The following TMEM232 variants were observed in gnomAD, a reference collection of about 807,000 sequenced individuals.
The protein encoded by TMEM232 is transmembrane protein 232.
In TMEM232, 80 loss-of-function variants were observed where a neutral mutation model predicts 78.8. The observed-to-expected ratio is 1.01, with a 90% CI of 0.85 to 1.22. The LOEUF (loss-of-function observed/expected upper bound fraction) is 1.22. Among genes scored for constraint, TMEM232 ranks in the 50% most tolerant of loss-of-function variants. TMEM232 has a pLI of 0.00. For missense variants in TMEM232, 881 were observed against 742.2 expected, an observed-to-expected ratio of 1.19 and a Z score of -2.17; for synonymous variants, 297 against 254.3, an observed-to-expected ratio of 1.17 and a Z score of -1.60.
intron 10 of TMEM232, among the ~76,000 whole-genome samples, chr5:110,577,673 A>G (rs928758759): frequency 6.6e-6 from 1 of 152,146 alleles, no homozygotes; most frequent in South Asian, 2.1e-4. Flanking sequence ...CACACATGCC[A>G]TGGAATACTA....
intron 1 of TMEM232, among the ~76,000 whole-genome samples, chr5:110,700,041 T>C (rs564752667): frequency 2.0e-5 from 3 of 152,162 alleles, no homozygotes; most frequent in East Asian, 3.9e-4. Context: ...ATAATGGCTA[T>C]CAAAAGGTTG....
At chr5:110,469,555 G>A (rs1007718396) in intron 12 of TMEM232, among the ~76,000 whole-genome samples, 1 of 152,104 alleles carries the variant, frequency 6.6e-6, no homozygotes, top group Non-Finnish European at 1.5e-5. Context: ...TGGAACCTGA[G>A]CTAAAGCTGT....
intron 7 of TMEM232, among the ~76,000 whole-genome samples, chr5:110,618,947 A>C (rs755457531): frequency 5.9e-5 from 9 of 152,208 alleles, no homozygotes; most frequent in Non-Finnish European, 1.0e-4. Context: ...ACAGCAAATT[A>C]TGTTTTAAAA....
chr5:110,555,894 C>T (rs762966617), intron 11 of TMEM232, among the ~76,000 whole-genome samples: 16 of 152,108 alleles, frequency 1.1e-4, no homozygotes, highest in African/African-American at 2.4e-4. Context: ...TATCCTTGCA[C>T]GTGAGATCGG....
At chr5:110,578,151 A>G (rs1777779825) in intron 10 of TMEM232, among the ~76,000 whole-genome samples, 1 of 152,014 alleles carries the variant, frequency 6.6e-6, no homozygotes, top group African/African-American at 2.4e-5. Context: ...TCTCTTTTCA[A>G]TAATAATTGT....
chr5:110,646,938 TG>T (rs1452686111), intron 2 of TMEM232, among the ~76,000 whole-genome samples: 1 of 151,826 alleles, frequency 6.6e-6, no homozygotes, highest in Non-Finnish European at 1.5e-5. Context: ...GAAAAGGTTT[TG>T]TTTTTTTTTC....
chr5:110,526,025 C>CAAAAAAAAAAAAAAAAA, intron 12 of TMEM232, among the ~76,000 whole-genome samples: 1 of 47,810 alleles, frequency 2.1e-5, no homozygotes, highest in Non-Finnish European at 4.0e-5. Flanking sequence ...CACCATACAC[C>CAAAAAAAAAAAAAAAAA]AAAAAAAAAA....
intron 4 of TMEM232, among the ~76,000 whole-genome samples, chr5:110,639,876 C>A (rs1198051397): frequency 6.6e-6 from 1 of 152,162 alleles, no homozygotes; most frequent in East Asian, 1.9e-4. Flanking sequence ...ACTGCTGATC[C>A]GACAGGAGGT....
intron 12 of TMEM232, among the ~76,000 whole-genome samples, chr5:110,449,262 A>G (rs1759999321): frequency 6.6e-6 from 1 of 152,088 alleles, no homozygotes; most frequent in Non-Finnish European, 1.5e-5. Flanking sequence ...CTAGAATGAC[A>G]TGAAGGAAAT....
intron 10 of TMEM232, among the ~76,000 whole-genome samples, chr5:110,592,790 G>A (rs1008615272): frequency 2.0e-5 from 3 of 152,154 alleles, no homozygotes; most frequent in Non-Finnish European, 2.9e-5. Flanking sequence ...CTCTATCACT[G>A]TGCCATTTTA....
At chr5:110,616,174 A>C (rs532552457) in intron 8 of TMEM232, among the ~76,000 whole-genome samples, 2 of 152,188 alleles carry the variant, frequency 1.3e-5, no homozygotes, top group East Asian at 1.9e-4. Flanking sequence ...TTTAAAGTGT[A>C]TTACAAAGCT....
rs145470479 is a variant in TMEM232, at chr5:110,398,009, G to T, written n.309-155C>A. On this transcript the variant is annotated intron_variant and non_coding_transcript_variant, in intron 2 of 8. Transcript: ENST00000507188. ...TCAACTCTTAATTATTTCCAGAAAA[G>T]GGGACACAGAGAACTCAGTAAATTA... Among the ~76,000 whole-genome samples the T allele has an allele frequency of 9.2e-5, 14 of 152,162 alleles. No homozygotes were observed. The East Asian group carries it at 2.3e-3, about 25-fold the overall frequency.
chr5:110,456,975 T>C (rs1382748950), intron 12 of TMEM232, among the ~76,000 whole-genome samples: 1 of 152,126 alleles, frequency 6.6e-6, no homozygotes, highest in Non-Finnish European at 1.5e-5. Flanking sequence ...GATTTCTTAG[T>C]TACTATACGA....
chr5:110,524,253 T>A (rs1258573026), intron 12 of TMEM232, among the ~76,000 whole-genome samples: 4 of 100,076 alleles, frequency 4.0e-5, no homozygotes, highest in African/African-American at 1.1e-4. Context: ...AGAACGAGAC[T>A]CAGTCTCAAA....
At chr5:110,595,860 T>G (rs908226520) in intron 10 of TMEM232, among the ~76,000 whole-genome samples, 6 of 152,110 alleles carry the variant, frequency 3.9e-5, no homozygotes, top group African/African-American at 1.4e-4. Context: ...CTTCAGGATA[T>G]TATCCGGAAG....
At chr5:110,648,615 C>T (rs1427484826) in intron 2 of TMEM232, among the ~76,000 whole-genome samples, 1 of 151,924 alleles carries the variant, frequency 6.6e-6, no homozygotes, top group Non-Finnish European at 1.5e-5. Context: ...TAATTCCATT[C>T]CCCTAAAAAA....
chr5:110,510,969 A>C (rs1561595607), intron 12 of TMEM232, among the ~76,000 whole-genome samples: 1 of 152,196 alleles, frequency 6.6e-6, no homozygotes, highest in Non-Finnish European at 1.5e-5. Context: ...ATTATAAATC[A>C]TTCTACTATA....
chr5:110,395,930 A>C (rs1353684986), intron 3 of TMEM232, among the ~76,000 whole-genome samples: 2 of 152,164 alleles, frequency 1.3e-5, no homozygotes, highest in Non-Finnish European at 2.9e-5. Context: ...CTATGAAGTA[A>C]ATTTGGGAAA....
intron 6 of TMEM232, among the ~76,000 whole-genome samples, chr5:110,625,931 C>T (rs1784373272): frequency 6.9e-6 from 1 of 145,044 alleles, no homozygotes; most frequent in Admixed American, 6.9e-5. Context: ...CATAACACCA[C>T]ATTATATTTA....
Sources: allele counts gnomAD v4.1 joint callset (sites outside exome capture counted in the v4.1 genomes callset), GRCh38; gene constraint gnomAD v4.1.1; transcripts MANE v1.5; gene names NCBI Gene and HGNC (gene_info 2026-07-23, HGNC 2026-07-21).